The following MYO1E variants were observed in gnomAD, a reference collection of about 807,000 sequenced individuals.
MYO1E encodes the protein myosin IE.
A neutral mutation model predicts 151.1 loss-of-function variants in MYO1E; 68 were observed. The observed-to-expected ratio is 0.45, with a 90% CI of 0.37 to 0.55. MYO1E has a LOEUF of 0.55. Among genes scored for constraint, MYO1E ranks in the 20% least tolerant of loss-of-function variants. The pLI, the probability that MYO1E is intolerant of heterozygous loss-of-function variation, is 0.00. For missense variants in MYO1E, 1,363 were observed against 1,389.3 expected (o/e 0.98, Z 0.30); for synonymous variants, 601 against 501.7 (o/e 1.20, Z -2.64).
chr15:59,269,135 G>A (rs2080274938), intron 2 of MYO1E, among the ~76,000 whole-genome samples: 1 of 152,108 alleles, frequency 6.6e-6, no homozygotes, highest in Non-Finnish European at 1.5e-5. Flanking sequence ...CAAGTTTACA[G>A]TGGAATTTTT....
chr15:59,322,019 GA>G (rs2140417325), intron 1 of MYO1E, among the ~76,000 whole-genome samples: 1 of 151,808 alleles, frequency 6.6e-6, no homozygotes, highest in Admixed American at 6.6e-5. Context: ...ACAAAAGTAC[GA>G]AAAAAATAGC....
At chr15:59,310,670 T>C (rs777118913) in intron 1 of MYO1E, among the ~76,000 whole-genome samples, 11 of 152,110 alleles carry the variant, frequency 7.2e-5, no homozygotes, top group Non-Finnish European at 1.5e-4. Context: ...TTTCTGTTGT[T>C]TTAAGCCACC....
At chr15:59,310,060 T>C (rs1229448848) in intron 1 of MYO1E, among the ~76,000 whole-genome samples, 3 of 152,214 alleles carry the variant, frequency 2.0e-5, no homozygotes, top group African/African-American at 7.2e-5. Flanking sequence ...CTAACTCGTC[T>C]TTTTGGTCAG....
chr15:59,252,123 T>A (rs2140368002), intron 4 of MYO1E, among the ~76,000 whole-genome samples: 1 of 152,342 alleles, frequency 6.6e-6, no homozygotes, highest in East Asian at 1.9e-4. Context: ...TCTGAAATCT[T>A]AAAAATTAAT....
At chr15:59,366,310 TTCTCTC>T (rs1182750782) in intron 1 of MYO1E, among the ~76,000 whole-genome samples, 16 of 128,360 alleles carry the variant, frequency 1.2e-4, no homozygotes, top group Admixed American at 3.2e-4. Context: ...CTCTCTCTCT[TTCTCTC>T]TCTCTCTCTC....
At chr15:59,324,344 T>C (rs377364004) in intron 1 of MYO1E, among the ~76,000 whole-genome samples, 3 of 152,084 alleles carry the variant, frequency 2.0e-5, no homozygotes, top group Admixed American at 1.3e-4. Flanking sequence ...TCAATGACAC[T>C]ATCGGAAAGG....
chr15:59,207,043 C>A, intron 14 of MYO1E: 1 of 1,614,240 alleles, frequency 6.2e-7, no homozygotes, highest in Non-Finnish European at 8.5e-7. Flanking sequence ...TCAAGCAACG[C>A]GCATCCCGCT....
At chr15:59,239,582 G>A (rs770589670) in intron 4 of MYO1E, among the ~76,000 whole-genome samples, 32 of 152,210 alleles carry the variant, frequency 2.1e-4, no homozygotes, top group Admixed American at 5.2e-4. Context: ...ATTCAGACAT[G>A]AAATATTTTG....
chr15:59,347,478 T>C (rs1054840989), intron 1 of MYO1E, among the ~76,000 whole-genome samples: 5 of 152,146 alleles, frequency 3.3e-5, no homozygotes, highest in African/African-American at 7.2e-5. Flanking sequence ...CTTTGACACA[T>C]TGATTCTAAA....
chr15:59,271,351 C>A (rs1156745444), intron 2 of MYO1E, among the ~76,000 whole-genome samples: 1 of 152,154 alleles, frequency 6.6e-6, no homozygotes, highest in Non-Finnish European at 1.5e-5. Flanking sequence ...AGCAAAGACT[C>A]CACTTTTTAA....
At chr15:59,206,804 C>T (rs1471768648) in intron 14 of MYO1E, 4 of 827,408 alleles carry the variant, frequency 4.8e-6, no homozygotes, top group Non-Finnish European at 7.4e-6. Context: ...CGCGCAGCCG[C>T]AGTAGAGGGC....
rs1320389209 is a variant in MYO1E, at chr15:59,350,921, G to A, written c.3+21577C>T. 1.3e-5 allele frequency among the ~76,000 whole-genome samples: 2 copies of A among 152,196 alleles called. No homozygotes were observed. Among genetic ancestry groups the A allele is most frequent in the Non-Finnish European group, 2.9e-5 (2 of 68,038 alleles). On this transcript the variant is annotated intron_variant, in intron 1 of 27. Transcript: ENST00000288235. The surrounding 1 kb of genome is among the most constrained non-coding windows in gnomAD (Gnocchi z 5.0). ...TTTGTTTTTTGTCTTTTTTGAGACG[G>A]AGTCTCGCTCTGTCACCCAGGCTGG... is the stretch of plus-strand genomic sequence containing the variant.
chr15:59,288,597 A>G (rs1413277424), intron 1 of MYO1E, among the ~76,000 whole-genome samples: 1 of 152,220 alleles, frequency 6.6e-6, no homozygotes, highest in Admixed American at 6.5e-5. Context: ...CTGGGATACT[A>G]CTAGCCACTA....
intron 1 of MYO1E, among the ~76,000 whole-genome samples, chr15:59,341,760 C>A (rs1471728509): frequency 6.6e-6 from 1 of 152,060 alleles, no homozygotes; most frequent in East Asian, 1.9e-4. Flanking sequence ...TGATTTCATT[C>A]ATCATTTGAT....
chr15:59,148,472 G>A (rs1313996565), intron 26 of MYO1E, among the ~76,000 whole-genome samples: 1 of 152,164 alleles, frequency 6.6e-6, no homozygotes, highest in African/African-American at 2.4e-5. Flanking sequence ...GAAATTCCAA[G>A]AAGGAAAATA....
chr15:59,210,878 C>G (rs2079874672), intron 12 of MYO1E, among the ~76,000 whole-genome samples: 1 of 149,526 alleles, frequency 6.7e-6, no homozygotes, highest in African/African-American at 2.5e-5. Context: ...ACTGATAAAT[C>G]CAGTTACAAA....
chr15:59,154,113 T>C (rs78615742), intron 25 of MYO1E, among the ~76,000 whole-genome samples: 80 of 152,276 alleles, frequency 5.3e-4, no homozygotes, highest in African/African-American at 1.8e-3. Context: ...TTGGTGGCAA[T>C]AGAATCCCCA....
At chr15:59,290,095 A>G (rs2140396027) in intron 1 of MYO1E, among the ~76,000 whole-genome samples, 1 of 152,270 alleles carries the variant, frequency 6.6e-6, no homozygotes, top group African/African-American at 2.4e-5. Context: ...AGAAACAGGG[A>G]GGTACTGTGA....
Position 59,268,718 on chromosome 15 carries a change from G to GTT in MYO1E, c.147+3587_147+3588insAA, listed in dbSNP as rs1452818863. On this transcript the variant is annotated intron_variant, in intron 2 of 27. Transcript: ENST00000288235. ...TGGTGATGGGTTCTGGGTGACTTTG[G>GTT]TATTTTTTTTTTTTTTTTTTTTTGC... Among the ~76,000 whole-genome samples, 8 of 12,058 alleles carry GTT rather than the reference G, an allele frequency of 6.6e-4. 1 individual carries two copies. The highest frequency in any genetic ancestry group is 9.5e-4 in the African/African-American group (7 of 7,388). The allele number at this position is 12,058 out of a possible 152,430, so 7.9% of individuals were successfully genotyped here. A position where few individuals can be genotyped will look rare whatever the true frequency, so the allele number is the denominator to read the frequency against.
Sources: allele counts gnomAD v4.1 joint callset (sites outside exome capture counted in the v4.1 genomes callset), GRCh38; gene constraint gnomAD v4.1.1; non-coding constraint Gnocchi (gnomAD v3.1); transcripts MANE v1.5; gene names NCBI Gene and HGNC (gene_info 2026-07-23, HGNC 2026-07-21).